The following C1QTNF7 variants were observed in gnomAD, a reference collection of about 807,000 sequenced individuals.
The protein encoded by C1QTNF7 is complement C1q tumor necrosis factor-related protein 7.
In C1QTNF7, 15 loss-of-function variants were observed where a neutral mutation model predicts 19.6. The observed-to-expected ratio is 0.76, with a 90% CI of 0.51 to 1.18. C1QTNF7 has a LOEUF of 1.18. Ranked by LOEUF, C1QTNF7 falls within the 50% of genes most tolerant of loss-of-function variation. The probability of loss-of-function intolerance (pLI) is 0.00; values close to 1 mark genes in which losing one functional copy is unlikely to be tolerated. For missense variants in C1QTNF7, 324 were observed against 359.7 expected, an observed-to-expected ratio of 0.90 and a Z score of 0.80; for synonymous variants, 142 against 137.5, an observed-to-expected ratio of 1.03 and a Z score of -0.23.
rs138681883 is a variant in C1QTNF7 at position 15,405,726 on chromosome 4, G to A, written c.14-30010G>A. Among the ~76,000 whole-genome samples, 3 of 152,266 alleles carry A rather than the reference G, an allele frequency of 2.0e-5. No homozygotes were observed. In the East Asian group the frequency reaches 5.8e-4, roughly 29 times the overall value. ...CTCTTAAAAATGGAAATGAGGTCAT[G>A]TCCCTCTCCGGCTTCCTTCAAGACC... On this transcript the variant is annotated intron_variant, in intron 1 of 2. Coordinates refer to the C1QTNF7 transcript ENST00000295297.
At chr4:15,402,287 T>C (rs753091900) in intron 1 of C1QTNF7, among the ~76,000 whole-genome samples, 1 of 152,174 alleles carries the variant, frequency 6.6e-6, no homozygotes, top group Non-Finnish European at 1.5e-5. Flanking sequence ...AGCTATGCTA[T>C]AACTATAAAA....
In C1QTNF7 at chr4:15,442,501, G is replaced by A. The variant is rs760373283; in HGVS notation, c.572G>A (p.Gly191Glu). 17 of 1,614,156 alleles carry A rather than the reference G, an allele frequency of 1.1e-5. No individual in the cohort carries two copies. The highest frequency in any genetic ancestry group is 1.4e-5 in the Non-Finnish European group (17 of 1,180,034). ...GGGAAGTTCATCTGTGCTTTCCCAG[G>A]GATCTATTACTTTTCTTATGATATC... Reference protein sequence around the residue: ...ATGKFICAFPGIYYFSYDITL... With the variant: ...ATGKFICAFPEIYYFSYDITL... The change falls in exon 3 of 3, where the codon GGG becomes GAG. Residue 191 changes from glycine to glutamate, a missense_variant. Physicochemically the swap from Gly to Glu is moderately conservative, Grantham distance 98 (BLOSUM62 -2). Coordinates refer to ENST00000444304, the MANE Select transcript of C1QTNF7 (RefSeq NM_031911.5).
intron 1 of C1QTNF7, among the ~76,000 whole-genome samples, chr4:15,356,909 T>G (rs1329994649): frequency 2.0e-5 from 3 of 152,158 alleles, no homozygotes; most frequent in African/African-American, 7.2e-5. Flanking sequence ...GAGAAGTGTC[T>G]GTTCATATCC....
At chr4:15,363,046 T>C (rs182847018) in intron 1 of C1QTNF7, among the ~76,000 whole-genome samples, 63 of 152,326 alleles carry the variant, frequency 4.1e-4, no homozygotes, top group African/African-American at 1.5e-3. Flanking sequence ...TGAAATTTTG[T>C]ACTTTTTTTT....
At chr4:15,395,676 C>T (rs1468238683) in intron 1 of C1QTNF7, among the ~76,000 whole-genome samples, 1 of 152,096 alleles carries the variant, frequency 6.6e-6, no homozygotes, top group Non-Finnish European at 1.5e-5. Flanking sequence ...AGGGAGGGTC[C>T]ATTGTTCAAA....
chr4:15,442,632 A>C lies in C1QTNF7; in HGVS notation c.703A>C (p.Thr235Pro). 1 of 1,614,244 alleles carries C rather than the reference A, an allele frequency of 6.2e-7. No homozygotes were observed. The highest frequency in any genetic ancestry group is 8.5e-7 in the Non-Finnish European group (1 of 1,180,048). Residue 235 changes from threonine to proline, a missense_variant, in exon 3 of 3, where the codon ACA (threonine) becomes CCA (proline). Transcript: ENST00000444304. ...AAACCATGATGTGGCTTCGGGGTCC[A>C]CAGTCATCTATCTGCAGCCAGAAGA... is the stretch of plus-strand genomic sequence containing the variant. ...TGNHDVASGS[T>P]VIYLQPEDEV...
At position 15,421,598 on chromosome 4, in the gene C1QTNF7, T is replaced by C. The variant is rs115773190; in HGVS notation, c.14-14138T>C. 4.5e-3 allele frequency among the ~76,000 whole-genome samples: 683 copies of C among 152,268 alleles called. 5 individuals carry two copies. The highest frequency in any genetic ancestry group is 0.016 in the African/African-American group (645 of 41,546). Reference sequence around the variant, plus strand: ...AATCCAAGGAGCCAAGTACTATCACTCTCCTCATCCTAAACCGAGAGCTTG... The same window carrying C: ...AATCCAAGGAGCCAAGTACTATCACCCTCCTCATCCTAAACCGAGAGCTTG... On this transcript the variant is annotated intron_variant, in intron 1 of 2. Coordinates refer to the C1QTNF7 transcript ENST00000295297.
intron 1 of C1QTNF7, among the ~76,000 whole-genome samples, chr4:15,345,929 T>A (rs1487424241): frequency 4.6e-5 from 7 of 152,214 alleles, no homozygotes; most frequent in African/African-American, 7.2e-5. Context: ...ATGGAGCAGA[T>A]GTTTAAACTT....
chr4:15,400,063 C>A (rs1718928777), intron 1 of C1QTNF7, among the ~76,000 whole-genome samples: 1 of 152,170 alleles, frequency 6.6e-6, no homozygotes, highest in South Asian at 2.1e-4. Flanking sequence ...GAAGATACAT[C>A]AATGTGATTG....
intron 1 of C1QTNF7, among the ~76,000 whole-genome samples, chr4:15,369,930 T>C (rs1401862329): frequency 6.6e-6 from 1 of 152,134 alleles, no homozygotes; most frequent in African/African-American, 2.4e-5. Context: ...AGACAAGAAA[T>C]TAAAGTCTTA....
intron 1 of C1QTNF7, among the ~76,000 whole-genome samples, chr4:15,414,839 A>G (rs1455601733): frequency 6.6e-6 from 1 of 152,188 alleles, no homozygotes; most frequent in Non-Finnish European, 1.5e-5. Context: ...TGTGTTAGTC[A>G]TAGCCATCAT....
At chr4:15,370,779 C>T (rs1306187527) in intron 1 of C1QTNF7, among the ~76,000 whole-genome samples, 5 of 152,134 alleles carry the variant, frequency 3.3e-5, no homozygotes, top group Non-Finnish European at 7.4e-5. Flanking sequence ...AAAATATTTT[C>T]GTAGGATTTT....
intron 1 of C1QTNF7, among the ~76,000 whole-genome samples, chr4:15,369,910 T>C (rs528485855): frequency 2.1e-4 from 32 of 152,184 alleles, no homozygotes; most frequent in Non-Finnish European, 3.4e-4. Flanking sequence ...TAGCATCAGG[T>C]AGAGATTTAA....
At chr4:15,379,601 T>C (rs534321987) in intron 1 of C1QTNF7, among the ~76,000 whole-genome samples, 2 of 152,304 alleles carry the variant, frequency 1.3e-5, no homozygotes, top group Admixed American at 1.3e-4. Flanking sequence ...CTTTCCACTC[T>C]GTCACTCTGC....
chr4:15,347,942 G>A (rs1466211907), intron 1 of C1QTNF7, among the ~76,000 whole-genome samples: 1 of 152,062 alleles, frequency 6.6e-6, no homozygotes, highest in African/African-American at 2.4e-5. Flanking sequence ...GCCCTTCCCG[G>A]TTGTGTGATC....
intron 1 of C1QTNF7, among the ~76,000 whole-genome samples, chr4:15,360,078 G>T (rs1717282148): frequency 6.6e-6 from 1 of 152,130 alleles, no homozygotes; most frequent in Non-Finnish European, 1.5e-5. Flanking sequence ...TCCATCAAGG[G>T]TCTGGCAGGT....
chr4:15,341,496 C>T (rs1716535529), intron 1 of C1QTNF7, among the ~76,000 whole-genome samples: 1 of 152,218 alleles, frequency 6.6e-6, no homozygotes, highest in African/African-American at 2.4e-5. Context: ...GGACACTTTG[C>T]TCATTGCAGA....
intron 1 of C1QTNF7, among the ~76,000 whole-genome samples, chr4:15,432,070 C>A (rs778169048): frequency 1.3e-5 from 2 of 152,014 alleles, no homozygotes; most frequent in Non-Finnish European, 2.9e-5. Context: ...TTAGACAATG[C>A]GAAGAGACAC....
At chr4:15,365,862 A>G (rs1004609113) in intron 1 of C1QTNF7, among the ~76,000 whole-genome samples, 1 of 152,112 alleles carries the variant, frequency 6.6e-6, no homozygotes, top group Non-Finnish European at 1.5e-5. Context: ...CTGTTGCCAG[A>G]GGTGTCAGAG....
Sources: gnomAD v4.1 joint callset for allele counts (sites outside exome capture counted in the v4.1 genomes callset) on GRCh38, gnomAD v4.1.1 for gene constraint, MANE v1.5 for transcripts, NCBI Gene and HGNC (gene_info 2026-07-23, HGNC 2026-07-21) for gene names.